Variants in CRELD1 observed in about 807,000 individuals in gnomAD.
The protein encoded by CRELD1 is protein disulfide isomerase CRELD1.
A neutral mutation model predicts 58.2 loss-of-function variants in CRELD1; 42 were observed. The observed-to-expected ratio is 0.72, with a 90% CI of 0.56 to 0.93. The LOEUF (loss-of-function observed/expected upper bound fraction) is 0.93, where lower values mean the gene tolerates loss of function less well. CRELD1 is among the 40% of genes least tolerant of loss of function. CRELD1 has a pLI of 0.00. For synonymous variants in CRELD1, 222 were observed against 202.0 expected, an observed-to-expected ratio of 1.10 and a Z score of -0.84; for missense variants, 500 against 540.6, an observed-to-expected ratio of 0.92 and a Z score of 0.74.
chr3:9,937,860 G>T (rs370058633), intron 4 of CRELD1, among the ~76,000 whole-genome samples, 155 bp from the exon 5 acceptor site: 6 of 152,270 alleles, frequency 3.9e-5, no homozygotes, highest in Admixed American at 1.3e-4. Context: ...TTACCCTTCT[G>T]CCAAATGGGG....
intron 4 of CRELD1, 106 bp from the exon 5 acceptor site, chr3:9,937,909 C>G: frequency 1.1e-6 from 1 of 876,918 alleles, no homozygotes; most frequent in South Asian, 1.4e-5. Context: ...GTCTTATGTC[C>G]AAGCTGGGTT....
rs755139564 is a variant in CRELD1 at position 9,934,587 on chromosome 3, G to T, written c.149G>T (p.Arg50Leu). The T allele has an allele frequency of 6.2e-7, 1 of 1,613,774 alleles. No homozygotes were observed. Among genetic ancestry groups the T allele is most frequent in the Non-Finnish European group, 8.5e-7 (1 of 1,179,748 alleles). ...CAGCCCCATCCGTGTCATACCTGCC[G>T]GGGACTGGTTGACAGCTTTAACAAG... ...PPQPHPCHTC[R>L]GLVDSFNKGL... is the part of the protein sequence containing the mutation. The change falls in exon 2 of 11, where the codon CGG becomes CTG. Residue 50 changes from arginine to leucine, a missense_variant. By Grantham distance (102) the Arg-to-Leu change is moderately radical. Coordinates refer to ENST00000452070, the MANE Select transcript of CRELD1 (RefSeq NM_001077415.3).
Position 9,944,393 on chromosome 3 carries a change from A to G in CRELD1, c.1077A>G (p.Thr359=). The change falls in exon 11 of 11, where the codon ACA becomes ACG. Residue 359 remains threonine (T), a synonymous_variant. Coordinates refer to ENST00000452070, the MANE Select transcript of CRELD1 (RefSeq NM_001077415.3). ...CAGCAGGCTTCTTCTCAGAGATGAC[A>G]GAAGACGAGTTGGTGGTGCTGCAGC... The part of the protein sequence containing the change: ...PESAGFFSEM[T]EDELVVLQQM... The G allele has an allele frequency of 1.9e-6, 3 of 1,614,156 alleles. No homozygotes were observed. Among genetic ancestry groups the G allele is most frequent in the East Asian group, 2.2e-5 (1 of 44,888 alleles).
At chr3:9,944,280 A>G (rs2085458761) in intron 10 of CRELD1, 85 bp from the exon 11 acceptor site, 3 of 1,221,154 alleles carry the variant, frequency 2.5e-6, no homozygotes, top group Admixed American at 3.4e-5. Flanking sequence ...CATGATGATC[A>G]GGTGTGTGGG....
Position 9,944,985 on chromosome 3 carries a change from CTTAT to C in CRELD1, c.*412_*415del, listed in dbSNP as rs1477848183. Reference sequence around the variant, plus strand: ...ACCACATCCCCACACCCCATTGCCACTTATTTATTCATCTCAGGAAATAAAGAAA... The same window carrying C: ...ACCACATCCCCACACCCCATTGCCACTTATTCATCTCAGGAAATAAAGAAA... On this transcript the variant is annotated 3_prime_UTR_variant, in exon 11 of 11. Coordinates refer to ENST00000452070, the MANE Select transcript of CRELD1 (RefSeq NM_001077415.3). 4 of 264,168 alleles carry C rather than the reference CTTAT, an allele frequency of 1.5e-5. No homozygotes were observed. Among genetic ancestry groups the C allele is most frequent in the African/African-American group, 8.7e-5 (4 of 45,856 alleles). The allele number at this position is 264,168 out of a possible 1,614,324, so 16.4% of individuals were successfully genotyped here.
intron 10 of CRELD1, 89 bp from the exon 11 acceptor site, chr3:9,944,276 G>T (rs1178939009): frequency 4.2e-6 from 5 of 1,202,600 alleles, no homozygotes; most frequent in Admixed American, 1.7e-5. Flanking sequence ...TGGCCATGAT[G>T]ATCAGGTGTG....
At position 9,937,646 on chromosome 3, in the gene CRELD1, G is replaced by C. The variant is rs2085233031; in HGVS notation, c.342G>C (p.Glu114Asp). 6.2e-6 allele frequency: 10 copies of C among 1,610,122 alleles called. No homozygotes were observed. The highest frequency in any genetic ancestry group is 7.6e-6 in the Non-Finnish European group (9 of 1,178,780). ...ECHRLLELSE[E>D]LVESWWFHKQ... ...ACCGCCTGCTGGAGCTGAGTGAGGA[G>C]CTGGTGGAGAGCTGGTGGTTTCACA... Residue 114 changes from glutamate to aspartate, a missense_variant, in exon 4 of 11, where the codon GAG becomes GAC. Coordinates refer to ENST00000452070, the MANE Select transcript of CRELD1 (RefSeq NM_001077415.3).
chr3:9,944,244 C>T (rs2085457504), intron 10 of CRELD1, 121 bp from the exon 11 acceptor site: 10 of 925,468 alleles, frequency 1.1e-5, no homozygotes, highest in African/African-American at 1.6e-5. Context: ...TGTAGTGTGC[C>T]TGGCTTGCTG....
At chr3:9,937,199 C>T (rs921490124) in intron 3 of CRELD1, among the ~76,000 whole-genome samples, 5 of 152,188 alleles carry the variant, frequency 3.3e-5, no homozygotes, top group African/African-American at 1.2e-4. Context: ...TTCTCCACAT[C>T]CCTGCCAACA....
chr3:9,938,260 G>A (rs2085250863), intron 5 of CRELD1, 154 bp downstream of exon 5: 4 of 674,354 alleles, frequency 5.9e-6, no homozygotes, highest in Non-Finnish European at 1.1e-5. Context: ...CTGGGGAGAT[G>A]GGCAAATCAG....
chr3:9,938,023 A>G lies in CRELD1; in HGVS notation c.377A>G (p.Glu126Gly). 1 of 1,613,316 alleles carries G rather than the reference A, an allele frequency of 6.2e-7. No homozygotes were observed. Among genetic ancestry groups the G allele is most frequent in the Non-Finnish European group, 8.5e-7 (1 of 1,179,746 alleles). ...VESWWFHKQQEAPDLFQWLCS... is the reference protein window; with the variant it reads ...VESWWFHKQQGAPDLFQWLCS... ...CCCTGCCCCTGCCTCAGGCAGCAGGAGGCCCCGGACCTCTTCCAGTGGCTG... is the reference window on the plus strand; with the variant it reads ...CCCTGCCCCTGCCTCAGGCAGCAGGGGGCCCCGGACCTCTTCCAGTGGCTG... Residue 126 changes from glutamate (E) to glycine (G), a missense_variant, in exon 5 of 11, where the codon GAG becomes GGG. Physicochemically the swap from Glu to Gly is moderately conservative, Grantham distance 98 (BLOSUM62 -2). Transcript: ENST00000452070.
chr3:9,935,599 A>T (rs2085170791), intron 3 of CRELD1: 1 of 152,814 alleles, frequency 6.5e-6, no homozygotes, highest in African/African-American at 2.4e-5. Context: ...CTAGTGGAGG[A>T]CATGATGAAG....
chr3:9,938,681 A>C (rs1184842981), intron 5 of CRELD1: 1 of 152,410 alleles, frequency 6.6e-6, no homozygotes, highest in African/African-American at 2.4e-5. Context: ...ATCATGGTGA[A>C]ACACCGTCTC....
In CRELD1 at chr3:9,942,927, G is replaced by T. The variant is rs200314842; in HGVS notation, c.817+31G>T. The T allele has an allele frequency of 1.1e-4, 169 of 1,588,704 alleles. No homozygotes were observed. In the African/African-American group the frequency reaches 2.0e-3, roughly 19 times the overall value. On this transcript the variant is annotated intron_variant, in intron 8 of 10. Coordinates refer to ENST00000452070, the MANE Select transcript of CRELD1 (RefSeq NM_001077415.3). ...TGTCTACTTCTGCAGAGGAGGGGAC[G>T]TGAGGAGTGGAGGAAGAGCTGCTCC...
chr3:9,941,025 G>C lies in CRELD1; in HGVS notation c.636G>C (p.Ser212=). ...GCAACGCCAGCCATCTGGTATGTTC[G>C]GGTAGGTAGCCAAAAGGTGTGGCAC... ...AERNASHLVC[S]ACFGPCARCS... The change falls in exon 6 of 11, where the codon TCG becomes TCC. Residue 212 remains serine (S), a splice_region_variant and synonymous_variant. Coordinates refer to ENST00000452070, the MANE Select transcript of CRELD1 (RefSeq NM_001077415.3). The C allele has an allele frequency of 6.2e-7, 1 of 1,614,200 alleles. No individual in the cohort carries two copies. Among genetic ancestry groups the C allele is most frequent in the Non-Finnish European group, 8.5e-7 (1 of 1,180,028 alleles).
chr3:9,937,918 T>C, intron 4 of CRELD1, 97 bp from the exon 5 acceptor site: 1 of 923,802 alleles, frequency 1.1e-6, no homozygotes, highest in Non-Finnish European at 1.7e-6. Flanking sequence ...CCAAGCTGGG[T>C]TGAATCACAG....
At chr3:9,940,560 C>T (rs1395106156) in intron 5 of CRELD1, among the ~76,000 whole-genome samples, 1 of 151,270 alleles carries the variant, frequency 6.6e-6, no homozygotes, top group African/African-American at 2.4e-5. Context: ...CGCAGGCACT[C>T]GGCAGGTTGA....
rs1347851971 is a variant in CRELD1, at chr3:9,941,108, C to T, written c.638-3C>T. The stretch of plus-strand genomic sequence containing the variant: ...ATCCTCATGCTGCCCCCATTCCACC[C>T]AGCTTGTTTTGGCCCCTGTGCCCGA... On this transcript the variant is annotated splice_region_variant and splice_polypyrimidine_tract_variant and intron_variant, in intron 6 of 10. Coordinates refer to ENST00000452070, the MANE Select transcript of CRELD1 (RefSeq NM_001077415.3). The T allele has an allele frequency of 2.5e-6, 4 of 1,614,100 alleles. No homozygotes were observed. The highest frequency in any genetic ancestry group is 2.5e-6 in the Non-Finnish European group (3 of 1,180,042).
chr3:9,943,124 T>C lies in CRELD1; in HGVS notation c.865T>C (p.Cys289Arg), dbSNP rs1258760076. The change falls in exon 9 of 11, where the codon TGT (cysteine) becomes CGT (arginine). Residue 289 changes from cysteine to arginine, a missense_variant. Physicochemically the swap from Cys to Arg is radical, Grantham distance 180. Transcript: ENST00000452070. ...CTGCATGGGGGCAGGGCCAGGTCGC[T>C]GTAAGAAGTGTAGCCCTGGCTATCA... ...LGCMGAGPGR[C>R]KKCSPGYQQV... is the part of the protein sequence containing the mutation. 2 of 1,613,682 alleles carry C rather than the reference T, an allele frequency of 1.2e-6. No homozygotes were observed. Among genetic ancestry groups the C allele is most frequent in the East Asian group, 2.2e-5 (1 of 44,842 alleles).
Sources: allele counts gnomAD v4.1 joint callset (sites outside exome capture counted in the v4.1 genomes callset), GRCh38; gene constraint gnomAD v4.1.1; transcripts MANE v1.5; gene names NCBI Gene and HGNC (gene_info 2026-07-23, HGNC 2026-07-21).